Variants in CPAMD8 observed in about 807,000 individuals in gnomAD.
The protein encoded by CPAMD8 is C3 and PZP-like alpha-2-macroglobulin domain-containing protein 8.
CPAMD8 carries 146 observed loss-of-function variants against 224.7 expected under a neutral mutation model. The ratio of observed to expected loss-of-function variants is 0.65; its 90% CI spans 0.57 to 0.75. The LOEUF is 0.75. CPAMD8 is among the 30% of genes least tolerant of loss of function. CPAMD8 has a pLI of 0.00. For missense variants in CPAMD8, 2,301 were observed against 2,537.5 expected (o/e 0.91, Z 2.00); for synonymous variants, 966 against 1,044.6 (o/e 0.92, Z 1.45).
In CPAMD8 at chr19:16,980,610, C is replaced by T. The variant is rs567017581; in HGVS notation, c.1472G>A (p.Arg491Gln). ...CTGGCCCGATAGCACAATATTGCCCCGTGCAGCCACCTCGTAGTACAGGGT... is the reference window on the plus strand; with the variant it reads ...CTGGCCCGATAGCACAATATTGCCCTGTGCAGCCACCTCGTAGTACAGGGT... The part of the protein sequence containing the change: ...NFTLYYEVAA[R>Q]GNIVLSGQQP... The change falls in exon 14 of 42, where the codon CGG becomes CAG. Residue 491 changes from arginine to glutamine, a missense_variant. Coordinates refer to ENST00000443236, the MANE Select transcript of CPAMD8 (RefSeq NM_015692.5). 159 of 1,609,714 alleles carry T rather than the reference C, an allele frequency of 9.9e-5. 1 individual carries two copies. The South Asian group carries it at 1.5e-3, about 15-fold the overall frequency.
rs750031617 is a variant in CPAMD8 at position 16,952,183 on chromosome 19, C to T, written c.2294G>A (p.Gly765Glu). The T allele has an allele frequency of 2.6e-6, 4 of 1,543,000 alleles. No individual in the cohort carries two copies. Among genetic ancestry groups the T allele is most frequent in the South Asian group, 2.4e-5 (2 of 83,882 alleles). Residue 765 changes from glycine (G) to glutamate (E), a missense_variant, in exon 20 of 42, where the codon GGG becomes GAG. Physicochemically the swap from Gly to Glu is moderately conservative, Grantham distance 98. Around this residue, in one of 4 missense-constraint regions of CPAMD8, gnomAD observed 1,709 missense variants for 1,753.2 expected, o/e 0.97. Coordinates refer to ENST00000443236, the MANE Select transcript of CPAMD8 (RefSeq NM_015692.5). ...CLNISDPSGEGTLSVKVPDSI... is the reference protein window; with the variant it reads ...CLNISDPSGEETLSVKVPDSI... ...GTCCGGGACCTTCACACTGAGTGTC[C>T]CCTCACCAGATGGGTCACTGCGGAG...
chr19:16,928,588 A>G (rs1206427204), intron 24 of CPAMD8, among the ~76,000 whole-genome samples: 1 of 152,060 alleles, frequency 6.6e-6, no homozygotes, highest in East Asian at 1.9e-4. Flanking sequence ...TCCTCTAGGA[A>G]GCAGTATTAG....
At chr19:16,943,011 CTT>C (rs770885168) in intron 22 of CPAMD8, among the ~76,000 whole-genome samples, 21 of 79,384 alleles carry the variant, frequency 2.6e-4, no homozygotes, top group Non-Finnish European at 3.3e-4. Context: ...TTTCTTTTTT[CTT>C]TTTTTTTTTT....
At chr19:16,933,515 G>T (rs1051057710) in intron 23 of CPAMD8, among the ~76,000 whole-genome samples, 1 of 151,972 alleles carries the variant, frequency 6.6e-6, no homozygotes, top group African/African-American at 2.4e-5. Flanking sequence ...TTTTGAACAG[G>T]TTAAAAGATT....
intron 20 of CPAMD8, among the ~76,000 whole-genome samples, chr19:16,950,438 C>T (rs1043542676): frequency 6.6e-6 from 1 of 152,106 alleles, no homozygotes; most frequent in African/African-American, 2.4e-5. Flanking sequence ...GCTTGGATCT[C>T]ACATCCTGCA....
intron 30 of CPAMD8, among the ~76,000 whole-genome samples, chr19:16,906,404 T>TCTC (rs2052514269): frequency 1.2e-5 from 1 of 83,966 alleles, no homozygotes; most frequent in African/African-American, 4.7e-5. Context: ...CTTTCTTTCT[T>TCTC]TCTTTCCTTC....
chr19:16,907,220 C>T (rs2052555636), intron 29 of CPAMD8, 103 bp from the exon 30 acceptor site: 1 of 1,346,450 alleles, frequency 7.4e-7, no homozygotes, highest in Admixed American at 3.5e-5. Flanking sequence ...CTGGGTGACT[C>T]CTAGCCCCTT....
rs145632475 is a variant in CPAMD8, at chr19:16,947,744, G to C, written c.2509-517C>G. Among the ~76,000 whole-genome samples the C allele has an allele frequency of 3.9e-3, 593 of 152,018 alleles. 2 individuals are homozygous for C. Among genetic ancestry groups the C allele is most frequent in the Middle Eastern group, 0.01 (3 of 292 alleles). ...CCCTGGGTGCACACTTGTGTGCATG[G>C]ATGCAAGCACAGACTGCATACACAT... On this transcript the variant is annotated intron_variant, in intron 20 of 41. Transcript: ENST00000443236.
At position 16,947,161 on chromosome 19, in the gene CPAMD8, T is replaced by C; in HGVS notation, c.2575A>G (p.Thr859Ala). The C allele has an allele frequency of 6.2e-7, 1 of 1,613,860 alleles. No homozygotes were observed. Among genetic ancestry groups the C allele is most frequent in the Non-Finnish European group, 8.5e-7 (1 of 1,179,850 alleles). The change falls in exon 21 of 42, where the codon ACC (threonine) becomes GCC (alanine). Residue 859 changes from threonine (T) to alanine (A), a missense_variant. Around this residue, in one of 4 missense-constraint regions of CPAMD8, gnomAD observed 1,709 missense variants for 1,753.2 expected, o/e 0.97. Transcript: ENST00000443236. ...FVGHPGKRHV[T>A]KKMCVAPGEA... ...CCGGGGGCCACACACATCTTCTTGG[T>C]CACATGGCGTTTGCCAGGATGCCCA...
At chr19:16,997,760 G>C (rs2056180928) in intron 10 of CPAMD8, among the ~76,000 whole-genome samples, 1 of 152,122 alleles carries the variant, frequency 6.6e-6, no homozygotes, top group Admixed American at 6.5e-5. Flanking sequence ...GCTGAGGCAT[G>C]AGAATCGCTT....
Position 17,004,357 on chromosome 19 carries a change from C to T in CPAMD8, c.589G>A (p.Asp197Asn), listed in dbSNP as rs199737515. The change falls in exon 8 of 42, where the codon GAC becomes AAC. Residue 197 changes from aspartate (D) to asparagine (N), a missense_variant. Around this residue, in one of 4 missense-constraint regions of CPAMD8, gnomAD observed 283 missense variants for 340.6 expected, o/e 0.83. Coordinates refer to ENST00000443236, the MANE Select transcript of CPAMD8 (RefSeq NM_015692.5). ...AACCATTCTCCCAACACAGGCTGGTCGGACAAGGGGAAGCTCATGTTGGTG... is the reference window on the plus strand; with the variant it reads ...AACCATTCTCCCAACACAGGCTGGTTGGACAAGGGGAAGCTCATGTTGGTG... Reference protein sequence around the residue: ...GITNMSFPLSDQPVLGEWFIF... With the variant: ...GITNMSFPLSNQPVLGEWFIF... 30 of 1,613,314 alleles carry T rather than the reference C, an allele frequency of 1.9e-5. No homozygotes were observed. Among genetic ancestry groups the T allele is most frequent in the East Asian group, 8.9e-5 (4 of 44,864 alleles).
intron 23 of CPAMD8, among the ~76,000 whole-genome samples, chr19:16,934,437 C>T (rs1445406154): frequency 6.6e-6 from 1 of 151,974 alleles, no homozygotes; most frequent in Non-Finnish European, 1.5e-5. Context: ...ATAAGAAAGT[C>T]CAGTAATATG....
At chr19:16,901,862 A>C (rs1027894292) in intron 35 of CPAMD8, among the ~76,000 whole-genome samples, 1 of 152,152 alleles carries the variant, frequency 6.6e-6, no homozygotes, top group Non-Finnish European at 1.5e-5. Flanking sequence ...GAGTGCACCA[A>C]GCTGGACTCT....
chr19:16,972,037 A>G (rs2122652049), intron 17 of CPAMD8, among the ~76,000 whole-genome samples: 1 of 152,084 alleles, frequency 6.6e-6, no homozygotes, highest in South Asian at 2.1e-4. Context: ...ATAGAGCAAG[A>G]CTCCATCTCA....
intron 21 of CPAMD8, 150 bp from the exon 22 acceptor site, chr19:16,945,829 A>G: frequency 1.3e-6 from 1 of 747,856 alleles, no homozygotes; most frequent in Non-Finnish European, 2.3e-6. Flanking sequence ...GCATGCATGC[A>G]AGTGTGTATG....
chr19:16,945,764 T>TGTGC (rs1306472803), intron 21 of CPAMD8, 85 bp from the exon 22 acceptor site: 1 of 1,233,816 alleles, frequency 8.1e-7, no homozygotes. Context: ...CCCAGATGTG[T>TGTGC]GTGCATGCAT....
chr19:16,987,439 T>A (rs1047425810), intron 13 of CPAMD8, among the ~76,000 whole-genome samples: 3 of 151,734 alleles, frequency 2.0e-5, no homozygotes, highest in Non-Finnish European at 4.4e-5. Context: ...ACCTTTACAA[T>A]GATCCATTCC....
chr19:16,982,478 C>T (rs973972575), intron 13 of CPAMD8, among the ~76,000 whole-genome samples: 1 of 151,930 alleles, frequency 6.6e-6, no homozygotes, highest in Non-Finnish European at 1.5e-5. Flanking sequence ...GAAGAATCTG[C>T]CTGTTTAAGA....
intron 27 of CPAMD8, among the ~76,000 whole-genome samples, chr19:16,921,242 C>G (rs1376822851): frequency 6.6e-6 from 1 of 152,120 alleles, no homozygotes; most frequent in East Asian, 1.9e-4. Flanking sequence ...CTCTGTTGGA[C>G]TAAAGACAGG....
Sources: gnomAD v4.1 joint callset for allele counts (sites outside exome capture counted in the v4.1 genomes callset) on GRCh38, gnomAD v4.1.1 for gene constraint, gnomAD v4.1.1 regional missense constraint, MANE v1.5 for transcripts, NCBI Gene and HGNC (gene_info 2026-07-23, HGNC 2026-07-21) for gene names.